RORA: variants seen among roughly 807,000 people sequenced by gnomAD.
The protein encoded by RORA is RAR related orphan receptor A.
A neutral mutation model predicts 69.5 loss-of-function variants in RORA; 7 were observed. The ratio of observed to expected loss-of-function variants is 0.10; its 90% CI spans 0.06 to 0.19. The LOEUF is 0.19. Among genes scored for constraint, RORA ranks in the 10% least tolerant of loss-of-function variants. RORA has a pLI of 1.00. For missense variants in RORA, 457 were observed against 663.0 expected (o/e 0.69, Z 3.41); for synonymous variants, 261 against 240.8 (o/e 1.08, Z -0.78).
At chr15:60,796,511 C>CA (rs200497896) in intron 1 of RORA, among the ~76,000 whole-genome samples, 35,336 of 144,070 alleles carry the variant, frequency 0.25, 5,226 homozygotes, top group Non-Finnish European at 0.34. Flanking sequence ...CACCCCCCGC[C>CA]AAAAAAAAAA....
chr15:60,723,099 C>T (rs2071313528), intron 1 of RORA, among the ~76,000 whole-genome samples: 1 of 151,990 alleles, frequency 6.6e-6, no homozygotes, highest in Admixed American at 6.6e-5. Context: ...CACTTATTTT[C>T]AATAATTATA....
At chr15:61,189,654 A>G (rs1011732593) in intron 1 of RORA, among the ~76,000 whole-genome samples, 1 of 152,008 alleles carries the variant, frequency 6.6e-6, no homozygotes, top group Non-Finnish European at 1.5e-5. Context: ...TCAGGAGATC[A>G]AGACCATCCT....
intron 1 of RORA, among the ~76,000 whole-genome samples, chr15:61,051,782 CT>C (rs1049224154): frequency 6.6e-6 from 1 of 152,208 alleles, no homozygotes; most frequent in Admixed American, 6.5e-5. Context: ...CAAAACATTT[CT>C]TGTGGCCTCA....
chr15:60,526,521 T>G (rs2066362816), intron 3 of RORA, among the ~76,000 whole-genome samples: 1 of 152,152 alleles, frequency 6.6e-6, no homozygotes, highest in Admixed American at 6.5e-5. Flanking sequence ...TTGATGCAAA[T>G]TGGGTTTTAA....
intron 1 of RORA, among the ~76,000 whole-genome samples, chr15:61,219,952 T>C (rs2080079336): frequency 6.6e-6 from 1 of 152,108 alleles, no homozygotes; most frequent in African/African-American, 2.4e-5. Context: ...TCCCTGTGAG[T>C]CCTCAAGAAT....
At chr15:61,172,704 T>C (rs2079596167) in intron 1 of RORA, among the ~76,000 whole-genome samples, 1 of 152,250 alleles carries the variant, frequency 6.6e-6, no homozygotes, top group Admixed American at 6.5e-5. Flanking sequence ...AGTAAATACA[T>C]ACTCTCCTTT....
At chr15:60,722,244 A>G (rs956709973) in intron 1 of RORA, among the ~76,000 whole-genome samples, 1 of 152,222 alleles carries the variant, frequency 6.6e-6, no homozygotes, top group African/African-American at 2.4e-5. Flanking sequence ...CATCATTCAC[A>G]TAAGTACATA....
chr15:60,640,717 T>C (rs1241115648), intron 2 of RORA, among the ~76,000 whole-genome samples: 2 of 152,188 alleles, frequency 1.3e-5, no homozygotes, highest in African/African-American at 4.8e-5. Context: ...GCTGTTTCCA[T>C]GGCTTGGAAG....
intron 2 of RORA, among the ~76,000 whole-genome samples, chr15:60,583,400 T>C (rs752539284): frequency 6.6e-6 from 1 of 152,222 alleles, no homozygotes; most frequent in Non-Finnish European, 1.5e-5. Flanking sequence ...CATCACTGTT[T>C]CCACTGAGTT....
At chr15:61,228,788 A>AG (rs1371999602) in intron 1 of RORA, among the ~76,000 whole-genome samples, 1 of 151,692 alleles carries the variant, frequency 6.6e-6, no homozygotes, top group African/African-American at 2.4e-5. Context: ...AATCAAAGCC[A>AG]GGGGGGTGAG....
At chr15:60,976,298 G>T (rs780073713) in intron 1 of RORA, among the ~76,000 whole-genome samples, 2 of 152,168 alleles carry the variant, frequency 1.3e-5, no homozygotes, top group Non-Finnish European at 1.5e-5. Context: ...CAACAGTTCT[G>T]CAAGTCTCTT....
intron 1 of RORA, among the ~76,000 whole-genome samples, chr15:60,791,124 T>C (rs530749134): frequency 1.3e-5 from 2 of 152,254 alleles, no homozygotes; most frequent in South Asian, 4.1e-4. Context: ...AAACTGATTG[T>C]AGAACGAGCC....
intron 10 of RORA, among the ~76,000 whole-genome samples, chr15:60,499,529 C>T (rs915258146): frequency 6.6e-6 from 1 of 152,122 alleles, no homozygotes. Context: ...CGGAGTGAGA[C>T]CCTGTCTCTA....
chr15:60,698,527 C>T (rs2140786908), intron 1 of RORA, among the ~76,000 whole-genome samples: 1 of 151,972 alleles, frequency 6.6e-6, no homozygotes, highest in African/African-American at 2.4e-5. Flanking sequence ...AACTCTACCA[C>T]TTATTGATAA....
intron 1 of RORA, among the ~76,000 whole-genome samples, chr15:61,224,970 T>C (rs144412639): frequency 2.0e-5 from 3 of 152,262 alleles, no homozygotes; most frequent in African/African-American, 7.2e-5. Context: ...ACCATGCCAG[T>C]AGGTATTGGA....
chr15:60,944,534 T>C (rs1595834914), intron 1 of RORA, among the ~76,000 whole-genome samples: 1 of 152,038 alleles, frequency 6.6e-6, no homozygotes. Flanking sequence ...TTGGGCAACA[T>C]AGTGAAACCC....
intron 1 of RORA, among the ~76,000 whole-genome samples, chr15:61,148,043 T>G (rs2079366057): frequency 6.6e-6 from 1 of 152,080 alleles, no homozygotes; most frequent in Non-Finnish European, 1.5e-5. Context: ...GAAAATGGCA[T>G]GAAGGGAACA....
intron 1 of RORA, among the ~76,000 whole-genome samples, chr15:60,689,143 T>C (rs1388208664): frequency 6.6e-6 from 1 of 152,232 alleles, no homozygotes; most frequent in African/African-American, 2.4e-5. Context: ...TCAGTTTCAA[T>C]ATCTGTAGGA....
At chr15:61,206,596 G>A (rs1358920833) in intron 1 of RORA, among the ~76,000 whole-genome samples, 5 of 152,030 alleles carry the variant, frequency 3.3e-5, no homozygotes, top group African/African-American at 9.7e-5. Context: ...CCTTCACCCC[G>A]ACCACCAAAC....
Sources: allele counts gnomAD v4.1 joint callset (sites outside exome capture counted in the v4.1 genomes callset), GRCh38; gene constraint gnomAD v4.1.1; transcripts MANE v1.5; gene names NCBI Gene and HGNC (gene_info 2026-07-23, HGNC 2026-07-21).